Variants in RBFOX1 observed in about 807,000 individuals in gnomAD.
The protein encoded by RBFOX1 is RNA binding protein fox-1 homolog 1.
Under a neutral mutation model 57.7 loss-of-function variants are expected in RBFOX1, and 8 were observed. That is an observed-to-expected ratio of 0.14 (90% CI 0.08 to 0.25). RBFOX1 has a LOEUF of 0.25. Ranked by LOEUF, RBFOX1 falls within the 10% of genes least tolerant of loss-of-function variation. The pLI is 1.00. For synonymous variants in RBFOX1, 326 were observed against 222.4 expected (o/e 1.47, Z -4.15); for missense variants, 611 against 548.5 (o/e 1.11, Z -1.14).
intron 2 of RBFOX1, among the ~76,000 whole-genome samples, chr16:6,493,422 A>G (rs2095681165): frequency 6.6e-6 from 1 of 152,064 alleles, no homozygotes; most frequent in South Asian, 2.1e-4. Context: ...CAAAATCATG[A>G]TCCTTATCCT....
chr16:6,956,059 C>G (rs1443441013), intron 3 of RBFOX1, among the ~76,000 whole-genome samples: 1 of 152,120 alleles, frequency 6.6e-6, no homozygotes, highest in African/African-American at 2.4e-5. Flanking sequence ...AGTGAGTTAT[C>G]TTCCCTTTAG....
intron 2 of RBFOX1, among the ~76,000 whole-genome samples, chr16:6,609,274 G>A (rs969728520): frequency 6.6e-6 from 1 of 152,186 alleles, no homozygotes. Context: ...TTAGCACAGT[G>A]GCTGGGTATG....
chr16:6,568,660 C>T (rs1042219839), intron 2 of RBFOX1, among the ~76,000 whole-genome samples: 1 of 152,102 alleles, frequency 6.6e-6, no homozygotes, highest in Non-Finnish European at 1.5e-5. Context: ...CAGAAGAGAG[C>T]CCTGGATAGA....
At chr16:7,176,807 C>G (rs1263345565) in intron 4 of RBFOX1, among the ~76,000 whole-genome samples, 1 of 152,044 alleles carries the variant, frequency 6.6e-6, no homozygotes, top group African/African-American at 2.4e-5. Flanking sequence ...TACACATATG[C>G]ACAAAACATC....
intron 4 of RBFOX1, among the ~76,000 whole-genome samples, chr16:7,410,684 A>G (rs72771142): frequency 6.6e-6 from 1 of 151,714 alleles, no homozygotes; most frequent in Non-Finnish European, 1.5e-5. Context: ...TCCCAAAAAC[A>G]AAACAAAACA....
intron 4 of RBFOX1, among the ~76,000 whole-genome samples, chr16:7,437,258 C>T (rs200840308): frequency 6.6e-6 from 1 of 150,684 alleles, no homozygotes; most frequent in African/African-American, 2.4e-5. Flanking sequence ...TTGCCCCCCC[C>T]CCCTTTCTGT....
At chr16:6,085,295 G>A (rs1440660595) in intron 1 of RBFOX1, among the ~76,000 whole-genome samples, 5 of 152,080 alleles carry the variant, frequency 3.3e-5, no homozygotes, top group African/African-American at 7.2e-5. Context: ...TTTTTGAGAC[G>A]CGGTTTCGCT....
At chr16:7,633,474 A>G (rs8048999) in intron 11 of RBFOX1, among the ~76,000 whole-genome samples, 66,592 of 152,098 alleles carry the variant, frequency 0.44, 17,103 homozygotes, top group African/African-American at 0.72. Context: ...ATTTTAATCT[A>G]TTCCCCCATT....
intron 4 of RBFOX1, among the ~76,000 whole-genome samples, chr16:7,362,523 CAT>C (rs922379109): frequency 6.9e-6 from 1 of 145,292 alleles, no homozygotes; most frequent in Non-Finnish European, 1.5e-5. Context: ...TGTGTGTTTA[CAT>C]GTGTGTCAGT....
At chr16:5,527,955 G>T (rs896532995) in intron 2 of RBFOX1, among the ~76,000 whole-genome samples, 1 of 152,140 alleles carries the variant, frequency 6.6e-6, no homozygotes, top group African/African-American at 2.4e-5. Context: ...AATTGTATTA[G>T]TGTGAATTGC....
In RBFOX1 at chr16:7,092,111, A is replaced by G. The variant is rs528501377; in HGVS notation, c.27+40013A>G. On this transcript the variant is annotated intron_variant, in intron 4 of 15. Transcript: ENST00000550418. ...TAAACTCTTAAAGATATTTAAAGAC[A>G]TCTTAAAGATGTTTTTATAACATGC... Among the ~76,000 whole-genome samples, 8 of 152,356 alleles carry G rather than the reference A, an allele frequency of 5.3e-5. No homozygotes were observed. In the South Asian group the frequency reaches 6.2e-4, roughly 12 times the overall value.
rs768276569 is a variant in RBFOX1, at chr16:5,354,234, C to G, written c.220-112982C>G. Among the ~76,000 whole-genome samples, 14 of 152,272 alleles carry G rather than the reference C, an allele frequency of 9.2e-5. No homozygotes were observed. In the East Asian group the frequency reaches 2.3e-3, roughly 25 times the overall value. On this transcript the variant is annotated intron_variant, in intron 1 of 2. Coordinates refer to the RBFOX1 transcript ENST00000585867. ...CTCCTGAGCACTAGTGGGTGAGTCT[C>G]TCTGGTCTTTCTGTGTCTGTGTCTC...
chr16:7,031,319 G>T (rs1307214644), intron 3 of RBFOX1, among the ~76,000 whole-genome samples: 2 of 152,162 alleles, frequency 1.3e-5, no homozygotes, highest in Non-Finnish European at 2.9e-5. Context: ...ATCATGGCTG[G>T]GTGCTATGGC....
chr16:7,165,619 A>G (rs1228392151), intron 4 of RBFOX1, among the ~76,000 whole-genome samples: 3 of 151,368 alleles, frequency 2.0e-5, no homozygotes, highest in African/African-American at 7.3e-5. Context: ...AGTAGAGATG[A>G]AGTTTCTCCA....
chr16:6,806,862 C>G (rs1319700527), intron 3 of RBFOX1, among the ~76,000 whole-genome samples: 1 of 56,588 alleles, frequency 1.8e-5, no homozygotes, highest in Non-Finnish European at 3.6e-5. Flanking sequence ...GAGAGAAAGT[C>G]TTGCTCTGTT....
At chr16:6,895,282 C>T (rs528870559) in intron 3 of RBFOX1, among the ~76,000 whole-genome samples, 2 of 151,222 alleles carry the variant, frequency 1.3e-5, no homozygotes, top group African/African-American at 4.9e-5. Flanking sequence ...CCCAGAATCC[C>T]CTGGATAGCT....
At chr16:5,589,473 C>T (rs1401245689) in intron 2 of RBFOX1, among the ~76,000 whole-genome samples, 3 of 152,262 alleles carry the variant, frequency 2.0e-5, no homozygotes, top group African/African-American at 7.2e-5. Context: ...TGTCCATCTT[C>T]CAGAGGAAGA....
intron 1 of RBFOX1, among the ~76,000 whole-genome samples, chr16:5,432,643 T>C (rs1458505294): frequency 1.3e-5 from 2 of 150,912 alleles, no homozygotes; most frequent in African/African-American, 4.9e-5. Flanking sequence ...CGCTTTTTTC[T>C]GGTATCAGAG....
intron 2 of RBFOX1, among the ~76,000 whole-genome samples, chr16:6,319,457 A>G (rs1463569888): frequency 6.6e-6 from 1 of 152,210 alleles, no homozygotes; most frequent in African/African-American, 2.4e-5. Context: ...TCGAACAGGT[A>G]CAACAATGGA....
Sources: gnomAD v4.1 joint callset for allele counts (sites outside exome capture counted in the v4.1 genomes callset) on GRCh38, gnomAD v4.1.1 for gene constraint, MANE v1.5 for transcripts, NCBI Gene and HGNC (gene_info 2026-07-23, HGNC 2026-07-21) for gene names.